The following FAM149A variants were observed in gnomAD, a reference collection of about 807,000 sequenced individuals.
The protein encoded by FAM149A is family with sequence similarity 149 member A.
FAM149A carries 71 observed loss-of-function variants against 78.2 expected under a neutral mutation model. The observed-to-expected ratio is 0.91, with a 90% CI of 0.75 to 1.11. The LOEUF (loss-of-function observed/expected upper bound fraction) is 1.11. FAM149A is among the 50% of genes least tolerant of loss of function. The pLI is 0.00. For synonymous variants in FAM149A, 446 were observed against 410.5 expected, an observed-to-expected ratio of 1.09 and a Z score of -1.04; for missense variants, 1,036 against 971.0, an observed-to-expected ratio of 1.07 and a Z score of -0.89.
intron 1 of FAM149A, chr4:186,117,973 A>G: frequency 1.0e-6 from 1 of 985,424 alleles, no homozygotes. Context: ...AAGGGGGACC[A>G]CAGAAGATGC....
chr4:186,138,033 A>G (rs1166519242), intron 1 of FAM149A, among the ~76,000 whole-genome samples: 1 of 152,230 alleles, frequency 6.6e-6, no homozygotes, highest in African/African-American at 2.4e-5. Context: ...TGTATAGAGG[A>G]GGTTAATGCA....
intron 1 of FAM149A, among the ~76,000 whole-genome samples, chr4:186,136,279 G>A (rs2099322659): frequency 6.6e-6 from 1 of 152,154 alleles, no homozygotes; most frequent in African/African-American, 2.4e-5. Flanking sequence ...TTGTAAAACA[G>A]TTTTTAGATT....
chr4:186,111,421 T>G (rs1459996228), intron 1 of FAM149A, among the ~76,000 whole-genome samples: 4 of 152,030 alleles, frequency 2.6e-5, no homozygotes, highest in African/African-American at 9.7e-5. Flanking sequence ...TTGTCAATTT[T>G]GTCTTTTGTT....
rs1579951642 is a variant in FAM149A at position 186,174,079 on chromosome 4, A to C, written c.*2092A>C. On this transcript the variant is annotated 3_prime_UTR_variant, in exon 14 of 14. Transcript: ENST00000389354. The stretch of plus-strand genomic sequence containing the variant: ...CCAACTCCTTCCCTATTCAGTCCAA[A>C]CTTCCTTTTTTTTTTTTTTTACTTG... Among the ~76,000 whole-genome samples the C allele has an allele frequency of 1.1e-5, 1 of 91,274 alleles. No individual in the cohort carries two copies. The allele number at this position is 91,274 out of a possible 152,430, so 59.9% of individuals were successfully genotyped here. A position where few individuals can be genotyped will look rare whatever the true frequency, so the allele number is the denominator to read the frequency against.
intron 1 of FAM149A, among the ~76,000 whole-genome samples, chr4:186,117,118 C>A (rs71624747): frequency 0.1 from 15,205 of 151,740 alleles, 817 homozygotes; most frequent in South Asian, 0.13. Context: ...AAGAGATCAT[C>A]TATACAAACT....
intron 1 of FAM149A, chr4:186,117,788 A>G: frequency 1.3e-6 from 1 of 773,728 alleles, no homozygotes; most frequent in African/African-American, 1.9e-5. Flanking sequence ...GGGAGCTAGT[A>G]GGAAGCTCTA....
intron 1 of FAM149A, chr4:186,123,375 G>C (rs1182467838): frequency 1.0e-6 from 1 of 985,206 alleles, no homozygotes; most frequent in Non-Finnish European, 1.2e-6. Context: ...TCGTCTCATG[G>C]ACATGTGCTG....
intron 1 of FAM149A, among the ~76,000 whole-genome samples, chr4:186,138,759 A>G (rs2099324572): frequency 6.6e-6 from 1 of 152,106 alleles, no homozygotes; most frequent in African/African-American, 2.4e-5. Context: ...TGCCTTTCTC[A>G]TTGCCTCATT....
At chr4:186,116,587 A>T in intron 1 of FAM149A, 1 of 934,414 alleles carries the variant, frequency 1.1e-6, no homozygotes, top group East Asian at 1.4e-4. Context: ...CTTTGTTGTT[A>T]TATTTAAATT....
chr4:186,137,055 T>C (rs2099323682), intron 1 of FAM149A, among the ~76,000 whole-genome samples: 3 of 148,684 alleles, frequency 2.0e-5, no homozygotes. Context: ...GTGGTACATA[T>C]TCAGGAAATG....
At chr4:186,152,125 A>C in intron 4 of FAM149A, 80 bp downstream of exon 4, 1 of 1,409,966 alleles carries the variant, frequency 7.1e-7, no homozygotes, top group Non-Finnish European at 9.9e-7. Flanking sequence ...CATTCAGTAC[A>C]TTTGGTGTGA....
At position 186,172,454 on chromosome 4, in the gene FAM149A, T is replaced by C. The variant is rs1017886030; in HGVS notation, c.*467T>C. ...GTATTTGAGACAATATGTCAGAGTC[T>C]GAATAAGACTCAGCTTGTTCTAGTC... On this transcript the variant is annotated 3_prime_UTR_variant, in exon 14 of 14. Transcript: ENST00000389354. The C allele has an allele frequency of 8.9e-6, 1 of 112,704 alleles. No homozygotes were observed. The highest frequency in any genetic ancestry group is 2.8e-5 in the African/African-American group (1 of 35,882). The allele number at this position is 112,704 out of a possible 1,614,324, so 7.0% of individuals were successfully genotyped here.
At chr4:186,116,434 T>C (rs1470547508) in intron 1 of FAM149A, 1 of 982,928 alleles carries the variant, frequency 1.0e-6, no homozygotes, top group African/African-American at 1.8e-5. Context: ...ACCGTTACTT[T>C]CTATTACAGT....
chr4:186,165,576 C>A, intron 11 of FAM149A, 112 bp downstream of exon 11: 1 of 1,082,402 alleles, frequency 9.2e-7, no homozygotes, highest in Non-Finnish European at 1.3e-6. Context: ...ATCTGAGTAG[C>A]TGTATTCAAA....
intron 1 of FAM149A, chr4:186,116,488 T>G: frequency 3.0e-6 from 3 of 985,132 alleles, no homozygotes; most frequent in Non-Finnish European, 3.6e-6. Context: ...GAATTCAACT[T>G]GGTTTTCCAT....
At chr4:186,155,110 C>A in intron 6 of FAM149A, 1 of 178,204 alleles carries the variant, frequency 5.6e-6, no homozygotes, top group Non-Finnish European at 1.1e-5. Context: ...CTGCAGGCGC[C>A]CACCACCACG....
intron 4 of FAM149A, among the ~76,000 whole-genome samples, chr4:186,152,706 G>A (rs1579888825): frequency 6.6e-6 from 1 of 151,692 alleles, no homozygotes; most frequent in African/African-American, 2.4e-5. Flanking sequence ...CACCACGCCC[G>A]GCTAATTTTT....
chr4:186,161,071 A>C (rs1561414387), intron 8 of FAM149A, among the ~76,000 whole-genome samples: 1 of 152,190 alleles, frequency 6.6e-6, no homozygotes, highest in Non-Finnish European at 1.5e-5. Flanking sequence ...AATAGTCTAT[A>C]TAATCCTTTG....
intron 1 of FAM149A, among the ~76,000 whole-genome samples, chr4:186,137,450 G>A (rs189681330): frequency 5.9e-5 from 9 of 152,104 alleles, no homozygotes; most frequent in Admixed American, 6.5e-5. Context: ...ACTTTCTGTC[G>A]GCTGTGCGTA....
Sources: gnomAD v4.1 joint callset for allele counts (sites outside exome capture counted in the v4.1 genomes callset) on GRCh38, gnomAD v4.1.1 for gene constraint, MANE v1.5 for transcripts, NCBI Gene and HGNC (gene_info 2026-07-23, HGNC 2026-07-21) for gene names.